Variants in MBD5 observed in about 807,000 individuals in gnomAD.
MBD5 encodes the protein methyl-CpG binding domain protein 5, also known as methyl-CpG-binding domain protein 5.
MBD5 carries 13 observed loss-of-function variants against 117.3 expected under a neutral mutation model. The ratio of observed to expected loss-of-function variants is 0.11; its 90% confidence interval spans 0.07 to 0.18. The LOEUF is 0.18. MBD5 is among the 10% of genes least tolerant of loss of function. The pLI, the probability that MBD5 is intolerant of heterozygous loss-of-function variation, is 1.00. For missense variants in MBD5, 1,879 were observed against 2,093.8 expected, an observed-to-expected ratio of 0.90 and a Z score of 2.00; for synonymous variants, 727 against 766.4, an observed-to-expected ratio of 0.95 and a Z score of 0.85.
intron 4 of MBD5, among the ~76,000 whole-genome samples, chr2:148,382,827 A>C (rs1667489072): frequency 6.6e-6 from 1 of 152,102 alleles, no homozygotes; most frequent in Non-Finnish European, 1.5e-5. Context: ...AACTACATGG[A>C]AACTGAACAA....
chr2:148,323,435 C>T (rs10208305), intron 3 of MBD5, among the ~76,000 whole-genome samples: 53 of 151,738 alleles, frequency 3.5e-4, no homozygotes, highest in Middle Eastern at 3.4e-3. Flanking sequence ...ACTTCCACAA[C>T]GGTTGAACTA....
At chr2:148,415,806 C>T (rs1025541613) in intron 4 of MBD5, among the ~76,000 whole-genome samples, 1 of 152,156 alleles carries the variant, frequency 6.6e-6, no homozygotes, top group Non-Finnish European at 1.5e-5. Flanking sequence ...TTTTTCAACT[C>T]TATCAGATCA....
rs1682261587 is a variant in MBD5, at chr2:148,512,929, G to A, written c.5172G>A (p.Lys1724=). The change falls in exon 14 of 14, where the codon AAG becomes AAA. Residue 1724 remains lysine (K), a synonymous_variant. Transcript: ENST00000642680. ...QMRPPKPKRR[K]ISR ...GACCCCCCAAACCCAAGAGGAGGAA[G>A]ATCTCCAGATAACAGAGACTACTCC... 1.2e-6 allele frequency: 2 copies of A among 1,613,700 alleles called. No individual in the cohort carries two copies. Among genetic ancestry groups the A allele is most frequent in the Non-Finnish European group, 1.7e-6 (2 of 1,179,648 alleles).
At chr2:148,056,218 C>T (rs1417310711) in intron 1 of MBD5, 1 of 152,064 alleles carries the variant, frequency 6.6e-6, no homozygotes, top group East Asian at 1.9e-4. Flanking sequence ...GCTTACTAAA[C>T]ATTCTTTTTA....
At chr2:148,209,349 A>G (rs926848389) in intron 2 of MBD5, among the ~76,000 whole-genome samples, 3 of 151,920 alleles carry the variant, frequency 2.0e-5, no homozygotes, top group Non-Finnish European at 4.4e-5. Flanking sequence ...ATCCCTCATG[A>G]TGGGATTAGT....
chr2:148,197,807 T>TTTTTTTTTTG (rs1558968578), intron 2 of MBD5, among the ~76,000 whole-genome samples: 3 of 102,332 alleles, frequency 2.9e-5, no homozygotes, highest in African/African-American at 6.7e-5. Flanking sequence ...TTTTTTTTTG[T>TTTTTTTTTTG]TTTTTTTTTT....
intron 1 of MBD5, among the ~76,000 whole-genome samples, chr2:148,170,988 T>C (rs528275823): frequency 1.3e-5 from 2 of 152,306 alleles, no homozygotes; most frequent in Admixed American, 1.3e-4. Context: ...ATTGAATTAG[T>C]AATCAAAATC....
chr2:148,204,182 T>C (rs937545999), intron 2 of MBD5, among the ~76,000 whole-genome samples: 19 of 152,074 alleles, frequency 1.2e-4, no homozygotes, highest in Non-Finnish European at 2.2e-4. Flanking sequence ...TAGTAGAAGA[T>C]GAATTATGAG....
chr2:148,450,818 A>G (rs1007563488), intron 4 of MBD5, among the ~76,000 whole-genome samples: 4 of 152,168 alleles, frequency 2.6e-5, no homozygotes, highest in East Asian at 1.9e-4. Flanking sequence ...ATTTAGTTCA[A>G]TGAAGACTTC....
intron 1 of MBD5, among the ~76,000 whole-genome samples, chr2:148,120,704 C>A (rs773054788): frequency 3.3e-5 from 5 of 152,174 alleles, no homozygotes; most frequent in Non-Finnish European, 7.4e-5. Context: ...ATTTTCTCTG[C>A]ATAAATCATG....
chr2:148,380,620 G>C (rs1184851676), intron 4 of MBD5, among the ~76,000 whole-genome samples: 1 of 152,178 alleles, frequency 6.6e-6, no homozygotes, highest in African/African-American at 2.4e-5. Flanking sequence ...TTTGAAGAGA[G>C]TAGTGGTTCT....
chr2:148,425,724 GGTT>G (rs1705759181), intron 4 of MBD5, among the ~76,000 whole-genome samples: 1 of 152,158 alleles, frequency 6.6e-6, no homozygotes, highest in African/African-American at 2.4e-5. Flanking sequence ...ATGCAAGGCT[GGTT>G]CAACATGTGC....
intron 3 of MBD5, among the ~76,000 whole-genome samples, chr2:148,247,655 A>T (rs1230333284): frequency 1.1e-5 from 1 of 94,934 alleles, no homozygotes; most frequent in Non-Finnish European, 2.5e-5. Context: ...AAGAGCCAAC[A>T]ATTAACAGTC....
intron 4 of MBD5, among the ~76,000 whole-genome samples, chr2:148,361,582 C>G (rs1703533878): frequency 6.6e-6 from 1 of 152,060 alleles, no homozygotes; most frequent in South Asian, 2.1e-4. Context: ...AGGATCTAGG[C>G]TATGAAACAA....
At chr2:148,308,491 CTTTTTTTT>C (rs60650324) in intron 3 of MBD5, among the ~76,000 whole-genome samples, 128 of 66,808 alleles carry the variant, frequency 1.9e-3, no homozygotes, top group Non-Finnish European at 3.2e-3. Context: ...GGGGTTCTTT[CTTTTTTTT>C]TTTTTTTTTT....
intron 4 of MBD5, among the ~76,000 whole-genome samples, chr2:148,411,778 C>A (rs1705256522): frequency 6.6e-6 from 1 of 152,012 alleles, no homozygotes; most frequent in Non-Finnish European, 1.5e-5. Context: ...CAAATATTTT[C>A]TTGCATTCTG....
At chr2:148,297,245 C>G (rs1014430360) in intron 3 of MBD5, among the ~76,000 whole-genome samples, 1 of 152,094 alleles carries the variant, frequency 6.6e-6, no homozygotes, top group African/African-American at 2.4e-5. Context: ...CATATTGTAG[C>G]AATTCTGAAT....
At chr2:148,059,212 T>G (rs2105811512) in intron 1 of MBD5, among the ~76,000 whole-genome samples, 1 of 152,304 alleles carries the variant, frequency 6.6e-6, no homozygotes. Flanking sequence ...ACATCATTTA[T>G]AAATATTTAA....
At chr2:148,308,487 CTTTCT>C (rs1375595962) in intron 3 of MBD5, among the ~76,000 whole-genome samples, 1,160 of 27,614 alleles carry the variant, frequency 0.042, 69 homozygotes, top group Middle Eastern at 0.18. Context: ...TGATGGGGTT[CTTTCT>C]TTTTTTTTTT....
Sources: allele counts gnomAD v4.1 joint callset (sites outside exome capture counted in the v4.1 genomes callset), GRCh38; gene constraint gnomAD v4.1.1; transcripts MANE v1.5; gene names NCBI Gene and HGNC (gene_info 2026-07-23, HGNC 2026-07-21).